CLPX: variants seen among roughly 807,000 people sequenced by gnomAD.
CLPX encodes caseinolytic mitochondrial matrix peptidase chaperone subunit X, also known as ATP-dependent clpX-like chaperone, mitochondrial.
A neutral mutation model predicts 76.4 loss-of-function variants in CLPX; 34 were observed. The ratio of observed to expected loss-of-function variants is 0.45; its 90% CI spans 0.34 to 0.59. The LOEUF (loss-of-function observed/expected upper bound fraction) is 0.59. Ranked by LOEUF, CLPX falls within the 20% of genes least tolerant of loss-of-function variation. The pLI, the probability that CLPX is intolerant of heterozygous loss-of-function variation, is 0.01. For synonymous variants in CLPX, 248 were observed against 270.9 expected (o/e 0.92, Z 0.83); for missense variants, 613 against 757.0 (o/e 0.81, Z 2.23).
chr15:65,181,973 A>C (rs2088179891), intron 1 of CLPX, among the ~76,000 whole-genome samples: 1 of 151,554 alleles, frequency 6.6e-6, no homozygotes, highest in Admixed American at 6.6e-5. Flanking sequence ...AATACAAAAA[A>C]TTAGCTGGGC....
At chr15:65,163,911 C>T (rs1054226535) in intron 5 of CLPX, 118 bp downstream of exon 5, 3 of 949,588 alleles carry the variant, frequency 3.2e-6, no homozygotes, top group African/African-American at 3.3e-5. Flanking sequence ...GAATAACCTG[C>T]ACTTTGAAAA....
rs35901458 is a variant in CLPX, at chr15:65,178,700, CT to C, written c.358+233del. ...CACAGGTATGCACCACCATACCTGG[CT>C]TTTTTTTTTTTTTTGGAAAGACAGG... On this transcript the variant is annotated intron_variant, in intron 3 of 13. Coordinates refer to ENST00000300107, the MANE Select transcript of CLPX (RefSeq NM_006660.5). Among the ~76,000 whole-genome samples, 1,113 of 134,186 alleles carry C rather than the reference CT, an allele frequency of 8.3e-3. 5 individuals are homozygous for C. The highest frequency in any genetic ancestry group is 0.016 in the Middle Eastern group (4 of 248). The allele number at this position is 134,186 out of a possible 152,430, so 88.0% of individuals were successfully genotyped here. A position where few individuals can be genotyped will look rare whatever the true frequency, so the allele number is the denominator to read the frequency against.
Position 65,166,607 on chromosome 15 carries a change from T to TATGTTTTCAAGATAA in CLPX, c.513+23_513+24insTTATCTTGAAAACAT, listed in dbSNP as rs774165772. ...GAATGTTTTCAAGATAAAATACTTGTAAGACTGAGCTTAAGACTTATACCT... is the reference window on the plus strand; with the variant it reads ...GAATGTTTTCAAGATAAAATACTTGTATGTTTTCAAGATAAAAGACTGAGCTTAAGACTTATACCT... On this transcript the variant is annotated intron_variant, in intron 4 of 13. Transcript: ENST00000300107. 12 of 1,610,214 alleles carry TATGTTTTCAAGATAA rather than the reference T, an allele frequency of 7.5e-6. No homozygotes were observed. The African/African-American group carries it at 1.6e-4, about 22-fold the overall frequency.
chr15:65,168,649 A>C (rs1438126721), intron 3 of CLPX, among the ~76,000 whole-genome samples: 1 of 150,940 alleles, frequency 6.6e-6, no homozygotes, highest in Admixed American at 6.6e-5. Context: ...CCTAATGTAA[A>C]TGATGAGTTA....
At chr15:65,176,147 G>C (rs1021722428) in intron 3 of CLPX, among the ~76,000 whole-genome samples, 2 of 152,110 alleles carry the variant, frequency 1.3e-5, no homozygotes, top group Admixed American at 1.3e-4. Context: ...TTCCACACTT[G>C]GTCTAACTAA....
chr15:65,155,668 T>C lies in CLPX; in HGVS notation c.1311+24A>G, dbSNP rs767792257. 6.3e-6 allele frequency: 10 copies of C among 1,596,330 alleles called. No individual in the cohort carries two copies. The South Asian group carries it at 6.6e-5, about 11-fold the overall frequency. Reference sequence around the variant, plus strand: ...ATCCTTTAAATGCTCTCTATCCTTCTAGTAACCCCTCAGAAAAACTTACCT... The same window carrying C: ...ATCCTTTAAATGCTCTCTATCCTTCCAGTAACCCCTCAGAAAAACTTACCT... On this transcript the variant is annotated intron_variant, in intron 10 of 13. Coordinates refer to ENST00000300107, the MANE Select transcript of CLPX (RefSeq NM_006660.5).
chr15:65,153,491 T>C (rs2087750035), intron 12 of CLPX, 56 bp downstream of exon 12: 1 of 1,065,026 alleles, frequency 9.4e-7, no homozygotes, highest in Non-Finnish European at 1.4e-6. Flanking sequence ...GGAAGCTTAA[T>C]ATACTCAAAA....
chr15:65,166,876 G>C, intron 3 of CLPX, 91 bp from the exon 4 acceptor site: 1 of 1,272,096 alleles, frequency 7.9e-7, no homozygotes, highest in East Asian at 2.4e-5. Context: ...TGAAAGCTAC[G>C]CACCTGACAA....
intron 11 of CLPX, among the ~76,000 whole-genome samples, chr15:65,154,052 G>A (rs921941220): frequency 1.3e-5 from 2 of 152,094 alleles, no homozygotes; most frequent in African/African-American, 4.8e-5. Flanking sequence ...TAAGACTAGG[G>A]AACCACCGGA....
intron 4 of CLPX, among the ~76,000 whole-genome samples, chr15:65,165,254 G>A (rs1356339691): frequency 6.6e-6 from 1 of 151,968 alleles, no homozygotes; most frequent in Non-Finnish European, 1.5e-5. Flanking sequence ...CTTGAGCCCA[G>A]GGAGGTTAAG....
rs547815492 is a variant in CLPX at position 65,168,585 on chromosome 15, C to G, written c.359-1800G>C. Among the ~76,000 whole-genome samples the G allele has an allele frequency of 1.3e-3, 141 of 110,186 alleles. 4 individuals carry two copies. In the Admixed American group the frequency reaches 0.018, roughly 14 times the overall value. 72.3% of individuals were successfully genotyped at this position (110,186 alleles called of 152,430 possible). A position where few individuals can be genotyped will look rare whatever the true frequency, so the allele number is the denominator to read the frequency against. On this transcript the variant is annotated intron_variant, in intron 3 of 13. Transcript: ENST00000300107. ...GACACAGGGTGGGGAACATCACACA[C>G]CGGGGCCTGTCATGGGGTGGGGGGA...
At position 65,176,661 on chromosome 15, in the gene CLPX, T is replaced by C. The variant is rs550330068; in HGVS notation, c.358+2273A>G. Among the ~76,000 whole-genome samples, 83 of 150,902 alleles carry C rather than the reference T, an allele frequency of 5.5e-4. 1 individual carries two copies. Among genetic ancestry groups the C allele is most frequent in the Non-Finnish European group, 9.9e-4 (67 of 67,660 alleles). ...CCCAGGCTAGAGTGCAGTGGTGTGA[T>C]CTCGGCTCACTGCAGCCTCCGCTTC... On this transcript the variant is annotated intron_variant, in intron 3 of 13. Coordinates refer to ENST00000300107, the MANE Select transcript of CLPX (RefSeq NM_006660.5).
chr15:65,168,698 G>A (rs1365265412), intron 3 of CLPX, among the ~76,000 whole-genome samples: 3 of 151,360 alleles, frequency 2.0e-5, no homozygotes, highest in Non-Finnish European at 4.4e-5. Context: ...GTATACCTAT[G>A]TAACAAACCT....
At chr15:65,176,617 C>T (rs2088094698) in intron 3 of CLPX, among the ~76,000 whole-genome samples, 2 of 141,746 alleles carry the variant, frequency 1.4e-5, no homozygotes, top group Admixed American at 7.3e-5. Context: ...TTTTTGGAGA[C>T]GGAGTTTCAC....
chr15:65,169,576 G>A (rs553459329), intron 3 of CLPX, among the ~76,000 whole-genome samples: 11 of 151,984 alleles, frequency 7.2e-5, no homozygotes, highest in East Asian at 2.0e-4. Context: ...AAAACTAGCC[G>A]GGCATGGTAA....
At chr15:65,160,970 G>A (rs1462693717) in intron 6 of CLPX, among the ~76,000 whole-genome samples, 2 of 152,112 alleles carry the variant, frequency 1.3e-5, no homozygotes, top group Admixed American at 6.5e-5. Flanking sequence ...GTGTGGCCAC[G>A]GACAAATTAC....
At chr15:65,163,149 G>A (rs982191894) in intron 5 of CLPX, among the ~76,000 whole-genome samples, 2 of 152,100 alleles carry the variant, frequency 1.3e-5, no homozygotes, top group Admixed American at 6.6e-5. Flanking sequence ...GATCACTGGA[G>A]CCTGGGAAGT....
Position 65,163,989 on chromosome 15 carries a change from C to T in CLPX, c.673+40G>A, listed in dbSNP as rs752021584. 15 of 1,540,822 alleles carry T rather than the reference C, an allele frequency of 9.7e-6. No homozygotes were observed. The Middle Eastern group carries it at 1.9e-3, about 192-fold the overall frequency. ...GTTACAAATAAAGATTACTTTTAAGCATAGCAATCTCTATTTAGGTCAATT... is the reference window on the plus strand; with the variant it reads ...GTTACAAATAAAGATTACTTTTAAGTATAGCAATCTCTATTTAGGTCAATT... On this transcript the variant is annotated intron_variant, in intron 5 of 13. Transcript: ENST00000300107.
At chr15:65,167,821 G>C (rs1478759770) in intron 3 of CLPX, among the ~76,000 whole-genome samples, 2 of 151,902 alleles carry the variant, frequency 1.3e-5, no homozygotes, top group African/African-American at 4.8e-5. Flanking sequence ...CCAGGAGGTG[G>C]AGGTTGCAGT....
Sources: allele counts gnomAD v4.1 joint callset (sites outside exome capture counted in the v4.1 genomes callset), GRCh38; gene constraint gnomAD v4.1.1; transcripts MANE v1.5; gene names NCBI Gene and HGNC (gene_info 2026-07-23, HGNC 2026-07-21).